Variants in ASTN2 observed in about 807,000 individuals in gnomAD.
The protein encoded by ASTN2 is astrotactin-2.
A neutral mutation model predicts 139.8 loss-of-function variants in ASTN2; 54 were observed. The ratio of observed to expected loss-of-function variants is 0.39; its 90% CI spans 0.31 to 0.48. ASTN2 has a LOEUF of 0.48. ASTN2 is among the 20% of genes least tolerant of loss of function. The pLI, the probability that ASTN2 is intolerant of heterozygous loss-of-function variation, is 0.95. For missense variants in ASTN2, 1,565 were observed against 1,725.1 expected, an observed-to-expected ratio of 0.91 and a Z score of 1.64; for synonymous variants, 756 against 719.5, an observed-to-expected ratio of 1.05 and a Z score of -0.81.
At chr9:116,890,881 T>A (rs1833746911) in intron 10 of ASTN2, among the ~76,000 whole-genome samples, 1 of 152,166 alleles carries the variant, frequency 6.6e-6, no homozygotes, top group Admixed American at 6.5e-5. Flanking sequence ...GTATCATTGA[T>A]CTTATTGGTG....
chr9:116,988,860 T>A (rs1836758972), intron 7 of ASTN2, among the ~76,000 whole-genome samples: 1 of 152,156 alleles, frequency 6.6e-6, no homozygotes, highest in Admixed American at 6.5e-5. Flanking sequence ...TTCCTGCAAA[T>A]TGCTGGGTGG....
intron 5 of ASTN2, among the ~76,000 whole-genome samples, chr9:117,057,472 T>C (rs1010989502): frequency 7.9e-5 from 12 of 152,178 alleles, no homozygotes; most frequent in African/African-American, 2.7e-4. Flanking sequence ...ACAGCAATAA[T>C]AGTAACAACA....
At chr9:116,737,243 C>T (rs1373583191) in intron 13 of ASTN2, among the ~76,000 whole-genome samples, 1 of 152,174 alleles carries the variant, frequency 6.6e-6, no homozygotes, top group Non-Finnish European at 1.5e-5. Flanking sequence ...GCAGAGGGCG[C>T]CCGGGGCCTT....
intron 17 of ASTN2, among the ~76,000 whole-genome samples, chr9:116,633,654 A>T (rs1315677804): frequency 6.6e-6 from 1 of 152,114 alleles, no homozygotes; most frequent in African/African-American, 2.4e-5. Context: ...AGAATTACAC[A>T]ATTTCTCTTC....
At position 116,733,313 on chromosome 9, in the gene ASTN2, G is replaced by A. The variant is rs986218216; in HGVS notation, c.2521+86C>T. On this transcript the variant is annotated intron_variant, in intron 14 of 22. Coordinates refer to ENST00000313400, the MANE Select transcript of ASTN2 (RefSeq NM_001365068.1). Reference sequence around the variant, plus strand: ...AGGAGGCTTGACAGAGCCCATCTTGGATCTGCTGAAGACTGATATGCACTA... The same window carrying A: ...AGGAGGCTTGACAGAGCCCATCTTGAATCTGCTGAAGACTGATATGCACTA... The A allele has an allele frequency of 2.0e-6, 3 of 1,536,474 alleles. No homozygotes were observed. In the African/African-American group the frequency reaches 4.1e-5, roughly 21 times the overall value.
At chr9:116,427,215 G>A (rs534792627) in intron 22 of ASTN2, among the ~76,000 whole-genome samples, 3 of 152,162 alleles carry the variant, frequency 2.0e-5, no homozygotes, top group African/African-American at 4.8e-5. Flanking sequence ...CCCACCTACC[G>A]CCAGTAGCAC....
intron 1 of ASTN2, among the ~76,000 whole-genome samples, chr9:117,401,820 ATTC>A (rs1361601827): frequency 1.3e-5 from 2 of 152,190 alleles, no homozygotes; most frequent in African/African-American, 2.4e-5. Flanking sequence ...AACAAATATT[ATTC>A]TTCTCTTGAC....
chr9:116,697,988 G>C, intron 16 of ASTN2: 1 of 1,614,208 alleles, frequency 6.2e-7, no homozygotes, highest in Non-Finnish European at 8.5e-7. Flanking sequence ...ATCTGACAGT[G>C]CTAAAGATCA....
intron 2 of ASTN2, among the ~76,000 whole-genome samples, chr9:117,241,859 T>A (rs941738042): frequency 6.6e-6 from 1 of 151,860 alleles, no homozygotes; most frequent in East Asian, 1.9e-4. Flanking sequence ...TAAAGAAGTA[T>A]CTGCTACTGA....
At chr9:117,242,773 G>A (rs774086558) in intron 2 of ASTN2, among the ~76,000 whole-genome samples, 14 of 152,168 alleles carry the variant, frequency 9.2e-5, no homozygotes, top group Non-Finnish European at 2.1e-4. Flanking sequence ...GGTCCCCACT[G>A]GTGTGTGGAA....
At chr9:117,062,013 C>A (rs527358912) in intron 5 of ASTN2, among the ~76,000 whole-genome samples, 1 of 152,182 alleles carries the variant, frequency 6.6e-6, no homozygotes, top group Non-Finnish European at 1.5e-5. Context: ...GAGTTACCTG[C>A]CCAAGGCCAT....
At chr9:117,373,864 G>A (rs566861286) in intron 1 of ASTN2, among the ~76,000 whole-genome samples, 77 of 152,278 alleles carry the variant, frequency 5.1e-4, no homozygotes, top group African/African-American at 1.8e-3. Context: ...AAATTAGCAG[G>A]TTGGACAGCA....
rs191887710 is a variant in ASTN2 at position 117,220,949 on chromosome 9, A to G, written c.631-6207T>C. ...TGGCTCCAGTCCTCTGGCTGTTGTT[A>G]TCCAATCATCTGTTTGACCATTTTC... On this transcript the variant is annotated intron_variant, in intron 2 of 22. Coordinates refer to ENST00000313400, the MANE Select transcript of ASTN2 (RefSeq NM_001365068.1). Among the ~76,000 whole-genome samples the G allele has an allele frequency of 5.2e-3, 796 of 152,202 alleles. 4 individuals carry two copies. The highest frequency in any genetic ancestry group is 7.2e-3 in the Non-Finnish European group (491 of 68,020).
At chr9:117,056,482 A>G (rs1292745177) in intron 5 of ASTN2, among the ~76,000 whole-genome samples, 1 of 152,216 alleles carries the variant, frequency 6.6e-6, no homozygotes, top group Non-Finnish European at 1.5e-5. Context: ...TGAAGGAGCC[A>G]CAGAGAGACA....
intron 10 of ASTN2, among the ~76,000 whole-genome samples, chr9:116,960,856 C>A (rs934093531): frequency 1.3e-5 from 2 of 152,150 alleles, no homozygotes; most frequent in African/African-American, 4.8e-5. Context: ...CCTGACTGGA[C>A]CAGACACCTG....
At chr9:116,451,663 C>T (rs1222676897) in intron 20 of ASTN2, among the ~76,000 whole-genome samples, 1 of 152,106 alleles carries the variant, frequency 6.6e-6, no homozygotes, top group Non-Finnish European at 1.5e-5. Context: ...GTGAACTAGA[C>T]CTTATCTTGC....
chr9:117,066,588 T>C (rs374060163), intron 5 of ASTN2, among the ~76,000 whole-genome samples: 4 of 150,696 alleles, frequency 2.7e-5, no homozygotes, highest in Admixed American at 2.0e-4. Context: ...CCTGAGGAAT[T>C]GCCACACTGA....
intron 19 of ASTN2, among the ~76,000 whole-genome samples, chr9:116,574,493 T>C (rs534693248): frequency 3.3e-5 from 5 of 152,332 alleles, no homozygotes; most frequent in South Asian, 2.1e-4. Flanking sequence ...GGTGAGCTTA[T>C]TGCAGCTATG....
At chr9:116,611,017 A>G (rs1275139472) in intron 19 of ASTN2, 1 of 152,174 alleles carries the variant, frequency 6.6e-6, no homozygotes, top group Non-Finnish European at 1.5e-5. Flanking sequence ...TGAACACTGA[A>G]TACAGCAATA....
Sources: gnomAD v4.1 joint callset for allele counts (sites outside exome capture counted in the v4.1 genomes callset) on GRCh38, gnomAD v4.1.1 for gene constraint, MANE v1.5 for transcripts, NCBI Gene and HGNC (gene_info 2026-07-23, HGNC 2026-07-21) for gene names.